The following SLC39A11 variants were observed in gnomAD, a reference collection of about 807,000 sequenced individuals.
SLC39A11 encodes solute carrier family 39 member 11, also known as zinc transporter ZIP11.
SLC39A11 carries 33 observed loss-of-function variants against 36.1 expected under a neutral mutation model. The ratio of observed to expected loss-of-function variants is 0.91; its 90% CI spans 0.69 to 1.22. SLC39A11 has a LOEUF of 1.22. Ranked by LOEUF, SLC39A11 falls within the 50% of genes most tolerant of loss-of-function variation. The pLI, the probability that SLC39A11 is intolerant of heterozygous loss-of-function variation, is 0.00. For missense variants in SLC39A11, 432 were observed against 430.3 expected, an observed-to-expected ratio of 1.00 and a Z score of -0.03; for synonymous variants, 166 against 170.3, an observed-to-expected ratio of 0.97 and a Z score of 0.20.
intron 5 of SLC39A11, among the ~76,000 whole-genome samples, chr17:72,900,138 GAAA>G (rs1294098260): frequency 1.4e-5 from 1 of 70,426 alleles, no homozygotes; most frequent in Non-Finnish European, 2.4e-5. Context: ...AAGAAAGAAA[GAAA>G]AAGAAAGAAA....
intron 7 of SLC39A11, among the ~76,000 whole-genome samples, chr17:72,662,457 AAAAGGAAGG>A (rs1484277983): frequency 7.3e-5 from 11 of 150,238 alleles, no homozygotes; most frequent in Non-Finnish European, 1.3e-4. Flanking sequence ...AAAAAAAAGA[AAAAGGAAGG>A]AAAGGAAGGA....
At chr17:72,880,400 C>T (rs79903990) in intron 5 of SLC39A11, among the ~76,000 whole-genome samples, 5,732 of 152,038 alleles carry the variant, frequency 0.038, 161 homozygotes, top group Middle Eastern at 0.058. Flanking sequence ...GAAACCCTGT[C>T]TCTACTCCCC....
At chr17:72,718,201 A>G (rs2073490076) in intron 7 of SLC39A11, among the ~76,000 whole-genome samples, 1 of 152,128 alleles carries the variant, frequency 6.6e-6, no homozygotes, top group Non-Finnish European at 1.5e-5. Flanking sequence ...TAATCTCAGC[A>G]TTTGGGGAGG....
intron 2 of SLC39A11, 63 bp from the exon 3 acceptor site, chr17:73,084,909 A>C (rs2144821061): frequency 1.9e-6 from 3 of 1,563,776 alleles, no homozygotes; most frequent in African/African-American, 1.4e-5. Flanking sequence ...TCCTGGGACA[A>C]GAAGAAACCA....
At chr17:73,020,707 G>A (rs184044280) in intron 4 of SLC39A11, among the ~76,000 whole-genome samples, 25 of 106,632 alleles carry the variant, frequency 2.3e-4, no homozygotes, top group African/African-American at 7.9e-4. Flanking sequence ...TTTTTGAGAC[G>A]GAGTCTCACT....
chr17:72,923,724 T>A (rs1029821691), intron 5 of SLC39A11, among the ~76,000 whole-genome samples: 7 of 151,932 alleles, frequency 4.6e-5, no homozygotes, highest in African/African-American at 1.7e-4. Flanking sequence ...AGTACTACAA[T>A]AAAGAGACGA....
At chr17:72,773,182 A>G (rs1332510084) in intron 6 of SLC39A11, among the ~76,000 whole-genome samples, 1 of 152,226 alleles carries the variant, frequency 6.6e-6, no homozygotes, top group Non-Finnish European at 1.5e-5. Flanking sequence ...GACACAAATG[A>G]ATTGTCCTGA....
chr17:72,727,462 G>A (rs1321324865), intron 7 of SLC39A11, among the ~76,000 whole-genome samples: 1 of 151,922 alleles, frequency 6.6e-6, no homozygotes, highest in Non-Finnish European at 1.5e-5. Context: ...GACCATCCTG[G>A]CTAACACGGT....
chr17:72,657,323 G>A (rs769607846), intron 7 of SLC39A11, among the ~76,000 whole-genome samples: 8 of 152,314 alleles, frequency 5.3e-5, no homozygotes, highest in Non-Finnish European at 8.8e-5. Flanking sequence ...TAGCGCCACC[G>A]CACTCCAGGC....
At chr17:72,999,797 G>A (rs1029517850) in intron 4 of SLC39A11, among the ~76,000 whole-genome samples, 5 of 152,166 alleles carry the variant, frequency 3.3e-5, no homozygotes, top group Non-Finnish European at 7.4e-5. Context: ...CTGGAGTGCA[G>A]TGGTGCGATC....
At chr17:72,910,047 C>T (rs186844293) in intron 5 of SLC39A11, among the ~76,000 whole-genome samples, 69 of 152,192 alleles carry the variant, frequency 4.5e-4, no homozygotes, top group African/African-American at 1.2e-3. Context: ...CCACCGCACC[C>T]GGCCTCCTCA....
At chr17:72,990,570 G>A (rs1206079143) in intron 4 of SLC39A11, among the ~76,000 whole-genome samples, 1 of 152,134 alleles carries the variant, frequency 6.6e-6, no homozygotes. Context: ...AGCTACAGGT[G>A]CACGCCACCA....
At chr17:72,857,422 T>C (rs2146144369) in intron 5 of SLC39A11, among the ~76,000 whole-genome samples, 1 of 152,352 alleles carries the variant, frequency 6.6e-6, no homozygotes. Context: ...CTTGCCATTG[T>C]GAATAGTGCT....
At chr17:72,708,875 A>G (rs1057330035) in intron 7 of SLC39A11, among the ~76,000 whole-genome samples, 7 of 151,964 alleles carry the variant, frequency 4.6e-5, no homozygotes, top group Admixed American at 2.6e-4. Flanking sequence ...CTCACAACTC[A>G]TAACGCATGA....
At chr17:73,020,680 C>CTTTTT (rs71154945) in intron 4 of SLC39A11, among the ~76,000 whole-genome samples, 1,118 of 98,754 alleles carry the variant, frequency 0.011, 29 homozygotes, top group African/African-American at 0.012. Flanking sequence ...TTGTTTCTTT[C>CTTTTT]TTTTTTTTTT....
At chr17:72,773,092 AG>A (rs1467875228) in intron 6 of SLC39A11, among the ~76,000 whole-genome samples, 2 of 152,350 alleles carry the variant, frequency 1.3e-5, no homozygotes, top group African/African-American at 4.8e-5. Flanking sequence ...GTCTCAAAAA[AG>A]AAAAAAGAAA....
chr17:72,945,069 ATG>A (rs2085351251), intron 5 of SLC39A11, among the ~76,000 whole-genome samples: 1 of 144,806 alleles, frequency 6.9e-6, no homozygotes, highest in East Asian at 2.1e-4. Context: ...GGATGGATGG[ATG>A]GGAGAGAGAA....
chr17:72,892,876 G>A lies in SLC39A11; in HGVS notation c.431-43072C>T, dbSNP rs553415540. 2.6e-5 allele frequency among the ~76,000 whole-genome samples: 4 copies of A among 152,226 alleles called. No homozygotes were observed. In the East Asian group the frequency reaches 7.7e-4, roughly 29 times the overall value. ...GGATCCAAAAGACAAACTGGAGGGA[G>A]TGAGGGAAGGGAACGAATGTAGCTA... On this transcript the variant is annotated intron_variant, in intron 5 of 9. Coordinates refer to ENST00000255559, the MANE Select transcript of SLC39A11 (RefSeq NM_139177.4).
intron 6 of SLC39A11, among the ~76,000 whole-genome samples, chr17:72,848,395 T>C (rs563988163): frequency 6.6e-6 from 1 of 152,358 alleles, no homozygotes; most frequent in Admixed American, 6.5e-5. Flanking sequence ...AAGGCATTAA[T>C]ATGTCCTTTT....
Sources: allele counts gnomAD v4.1 joint callset (sites outside exome capture counted in the v4.1 genomes callset), GRCh38; gene constraint gnomAD v4.1.1; transcripts MANE v1.5; gene names NCBI Gene and HGNC (gene_info 2026-07-23, HGNC 2026-07-21).